ARHGAP25: variants seen among roughly 807,000 people sequenced by gnomAD.
ARHGAP25 encodes Rho GTPase activating protein 25.
In ARHGAP25, 34 loss-of-function variants were observed where a neutral mutation model predicts 71.0. The ratio of observed to expected loss-of-function variants is 0.48; its 90% confidence interval spans 0.36 to 0.64. The LOEUF (loss-of-function observed/expected upper bound fraction) is 0.64. ARHGAP25 is among the 30% of genes least tolerant of loss of function. The pLI, the probability that ARHGAP25 is intolerant of heterozygous loss-of-function variation, is 0.00. For missense variants in ARHGAP25, 706 were observed against 805.1 expected (o/e 0.88, Z 1.49); for synonymous variants, 282 against 296.5 (o/e 0.95, Z 0.50).
intron 10 of ARHGAP25, among the ~76,000 whole-genome samples, chr2:68,823,992 G>A (rs973700241): frequency 3.3e-5 from 5 of 152,300 alleles, no homozygotes; most frequent in Middle Eastern, 3.4e-3. Flanking sequence ...GAATTCGTGG[G>A]CTCTTAGATT....
chr2:68,808,663 C>T (rs1391238152), intron 5 of ARHGAP25, among the ~76,000 whole-genome samples: 3 of 152,192 alleles, frequency 2.0e-5, no homozygotes, highest in African/African-American at 7.2e-5. Flanking sequence ...ATAAACTGCA[C>T]CTTGTTATCA....
At chr2:68,778,401 A>G (rs1678074433) in intron 2 of ARHGAP25, among the ~76,000 whole-genome samples, 1 of 152,234 alleles carries the variant, frequency 6.6e-6, no homozygotes, top group African/African-American at 2.4e-5. Flanking sequence ...AAAGGCCTAG[A>G]AAGACATACA....
intron 1 of ARHGAP25, among the ~76,000 whole-genome samples, chr2:68,773,962 A>G (rs1282344353): frequency 6.6e-6 from 1 of 152,216 alleles, no homozygotes; most frequent in African/African-American, 2.4e-5. Flanking sequence ...GCCGAGGCTC[A>G]GAGAAGCATA....
intron 1 of ARHGAP25, among the ~76,000 whole-genome samples, chr2:68,741,286 C>T (rs35155192): frequency 0.05 from 7,618 of 152,230 alleles, 264 homozygotes; most frequent in Middle Eastern, 0.088. Flanking sequence ...GAATGGAGAA[C>T]GCCAGCAACT....
intron 2 of ARHGAP25, among the ~76,000 whole-genome samples, chr2:68,716,657 T>A (rs1380130329): frequency 2.0e-5 from 3 of 152,236 alleles, no homozygotes; most frequent in Non-Finnish European, 4.4e-5. Context: ...AGATTGAGAA[T>A]GTATATACAT....
chr2:68,754,841 G>A (rs546953602), intron 1 of ARHGAP25, among the ~76,000 whole-genome samples: 14 of 152,194 alleles, frequency 9.2e-5, no homozygotes, highest in South Asian at 6.2e-4. Flanking sequence ...TAATGACTAA[G>A]GCTGTTTGGC....
chr2:68,805,122 C>A (rs921865903), intron 4 of ARHGAP25, among the ~76,000 whole-genome samples: 8 of 152,130 alleles, frequency 5.3e-5, no homozygotes, highest in Non-Finnish European at 1.2e-4. Context: ...CCTCTTTGTC[C>A]TCCTGGTGCA....
chr2:68,760,506 G>T (rs538751101), intron 1 of ARHGAP25, among the ~76,000 whole-genome samples: 1 of 152,048 alleles, frequency 6.6e-6, no homozygotes, highest in South Asian at 2.1e-4. Context: ...CAAAGTCAAA[G>T]CTCAAAAATC....
At chr2:68,782,110 T>C in intron 2 of ARHGAP25, 123 bp from the exon 3 acceptor site, 2 of 829,698 alleles carry the variant, frequency 2.4e-6, no homozygotes, top group East Asian at 2.6e-5. Context: ...GGAGGCTAGC[T>C]TCCCATGTCC....
chr2:68,764,564 G>A (rs1294554484), intron 1 of ARHGAP25, among the ~76,000 whole-genome samples: 1 of 152,164 alleles, frequency 6.6e-6, no homozygotes, highest in African/African-American at 2.4e-5. Context: ...CTGGTATCGT[G>A]ACCTGGTTGA....
chr2:68,778,384 T>G (rs1678072274), intron 2 of ARHGAP25, among the ~76,000 whole-genome samples: 1 of 152,214 alleles, frequency 6.6e-6, no homozygotes. Context: ...AATCTGTATT[T>G]ATAGAAAAAG....
At chr2:68,824,660 T>G (rs1238332621) in intron 10 of ARHGAP25, among the ~76,000 whole-genome samples, 4 of 151,754 alleles carry the variant, frequency 2.6e-5, no homozygotes, top group Non-Finnish European at 5.9e-5. Flanking sequence ...GAGAATGGTG[T>G]GAACCTGGGA....
chr2:68,767,306 C>T lies in ARHGAP25; in HGVS notation c.62-7915C>T, dbSNP rs1463110084. Among the ~76,000 whole-genome samples, 3 of 151,752 alleles carry T rather than the reference C, an allele frequency of 2.0e-5. No homozygotes were observed. Among genetic ancestry groups the T allele is most frequent in the African/African-American group, 7.3e-5 (3 of 41,216 alleles). ...GAAGACAGAAAAGGGATACAGAAAG[C>T]GAGCCTGAAGTTTCTGAAGTCACAT... is the stretch of plus-strand genomic sequence containing the variant. On this transcript the variant is annotated intron_variant, in intron 1 of 10. Transcript: ENST00000409202. This position sits in a 1 kb window ranked among gnomAD's most constrained non-coding sequence, Gnocchi z 4.6.
chr2:68,722,606 T>G (rs12467937), intron 2 of ARHGAP25, among the ~76,000 whole-genome samples: 38,484 of 151,042 alleles, frequency 0.25, 5,349 homozygotes, highest in East Asian at 0.47. Flanking sequence ...TTTGCTACAT[T>G]CCAGACACTA....
chr2:68,712,491 G>C (rs1290190350), intron 2 of ARHGAP25, among the ~76,000 whole-genome samples: 1 of 152,068 alleles, frequency 6.6e-6, no homozygotes, highest in Non-Finnish European at 1.5e-5. Flanking sequence ...TTCTTTTTCT[G>C]TACAGAAGCT....
At chr2:68,776,163 C>T (rs762807727) in intron 2 of ARHGAP25, among the ~76,000 whole-genome samples, 5 of 151,928 alleles carry the variant, frequency 3.3e-5, no homozygotes, top group African/African-American at 4.8e-5. Context: ...GGCCTGGCTG[C>T]GGAATAGCAA....
At chr2:68,725,406 C>T (rs376900472) in intron 2 of ARHGAP25, among the ~76,000 whole-genome samples, 239 of 152,224 alleles carry the variant, frequency 1.6e-3, no homozygotes, top group African/African-American at 5.7e-3. Flanking sequence ...CTCACTGTAG[C>T]CTCAAACTCT....
chr2:68,765,360 T>TA (rs71397305), intron 1 of ARHGAP25, among the ~76,000 whole-genome samples: 86,979 of 145,062 alleles, frequency 0.6, 26,202 homozygotes, highest in South Asian at 0.67. Flanking sequence ...AGTTGACATG[T>TA]AAAAAAAAAA....
intron 10 of ARHGAP25, among the ~76,000 whole-genome samples, chr2:68,825,368 T>G (rs1227067649): frequency 1.3e-5 from 2 of 152,298 alleles, no homozygotes; most frequent in African/African-American, 4.8e-5. Context: ...ATAGATCTGT[T>G]AGAACTGGTC....
Sources: gnomAD v4.1 joint callset for allele counts (sites outside exome capture counted in the v4.1 genomes callset) on GRCh38, gnomAD v4.1.1 for gene constraint, Gnocchi (gnomAD v3.1) non-coding constraint, MANE v1.5 for transcripts, NCBI Gene and HGNC (gene_info 2026-07-23, HGNC 2026-07-21) for gene names.